PPP2R3A: variants seen among roughly 807,000 people sequenced by gnomAD.
PPP2R3A encodes serine/threonine-protein phosphatase 2A regulatory subunit B'' subunit alpha.
Under a neutral mutation model 106.9 loss-of-function variants are expected in PPP2R3A, and 80 were observed. That is an observed-to-expected ratio of 0.75 (90% confidence interval 0.62 to 0.90). The LOEUF is 0.90. Among genes scored for constraint, PPP2R3A ranks in the 40% least tolerant of loss-of-function variants. PPP2R3A has a pLI of 0.00. For missense variants in PPP2R3A, 1,386 were observed against 1,350.4 expected (o/e 1.03, Z -0.41); for synonymous variants, 483 against 468.3 (o/e 1.03, Z -0.41).
At chr3:135,979,134 T>G (rs1937501693) in intron 1 of PPP2R3A, among the ~76,000 whole-genome samples, 1 of 151,746 alleles carries the variant, frequency 6.6e-6, no homozygotes, top group African/African-American at 2.4e-5. Context: ...ATCCCAGCAC[T>G]TTGGGAGGCT....
intron 10 of PPP2R3A, among the ~76,000 whole-genome samples, chr3:136,097,858 T>C (rs753329652): frequency 6.6e-6 from 1 of 152,202 alleles, no homozygotes; most frequent in Non-Finnish European, 1.5e-5. Context: ...CAGATATTAT[T>C]ACATGTATTG....
chr3:136,089,196 T>C lies in PPP2R3A; in HGVS notation c.2837+1265T>C, dbSNP rs141890780. On this transcript the variant is annotated intron_variant, in intron 9 of 13. Coordinates refer to ENST00000264977, the MANE Select transcript of PPP2R3A (RefSeq NM_002718.5). The stretch of plus-strand genomic sequence containing the variant: ...GAAGGGTATTTCCTAGGGTTTTTTC[T>C]AGAATTGTTATAGTTTCAGGTCTGA... Among the ~76,000 whole-genome samples, 490 of 152,300 alleles carry C rather than the reference T, an allele frequency of 3.2e-3. 2 individuals carry two copies. The highest frequency in any genetic ancestry group is 5.6e-3 in the Admixed American group (85 of 15,294).
chr3:136,088,020 G>A, intron 9 of PPP2R3A, 89 bp downstream of exon 9: 1 of 1,162,538 alleles, frequency 8.6e-7, no homozygotes, highest in Non-Finnish European at 1.3e-6. Flanking sequence ...GAATAATTTG[G>A]CAGTGCTATT....
intron 2 of PPP2R3A, chr3:136,023,103 C>A: frequency 6.2e-7 from 1 of 1,613,304 alleles, no homozygotes; most frequent in Non-Finnish European, 8.5e-7. Flanking sequence ...ACGAAGGGAC[C>A]CGGATTTAAG....
intron 5 of PPP2R3A, among the ~76,000 whole-genome samples, chr3:136,054,051 G>GA (rs1407597640): frequency 1.3e-5 from 2 of 152,000 alleles, no homozygotes; most frequent in Non-Finnish European, 2.9e-5. Flanking sequence ...TTTTGGGGGG[G>GA]AAATAAACGT....
chr3:136,113,074 A>T (rs1233455059), intron 13 of PPP2R3A, among the ~76,000 whole-genome samples: 1 of 152,110 alleles, frequency 6.6e-6, no homozygotes, highest in Non-Finnish European at 1.5e-5. Context: ...TGGAGGTTGC[A>T]GTGAGCTGGG....
chr3:136,051,291 A>G (rs1935676748), intron 5 of PPP2R3A, among the ~76,000 whole-genome samples: 1 of 152,074 alleles, frequency 6.6e-6, no homozygotes. Context: ...GAAATAGTTG[A>G]GGTTTTTTTA....
chr3:136,055,836 T>C, intron 5 of PPP2R3A: 2 of 516,532 alleles, frequency 3.9e-6, no homozygotes, highest in South Asian at 3.1e-5. Flanking sequence ...CTATGCAGAA[T>C]TGCAAACAGT....
chr3:136,100,412 C>G (rs909080017), intron 10 of PPP2R3A, among the ~76,000 whole-genome samples: 1 of 151,806 alleles, frequency 6.6e-6, no homozygotes, highest in Admixed American at 6.6e-5. Context: ...CCGTGGCTCA[C>G]GCCTGTAATC....
intron 5 of PPP2R3A, among the ~76,000 whole-genome samples, chr3:136,067,581 A>T (rs1287404963): frequency 6.6e-6 from 1 of 152,216 alleles, no homozygotes; most frequent in East Asian, 1.9e-4. Flanking sequence ...AGAGGAGAGA[A>T]CTGCATGGAG....
chr3:136,000,723 G>A (rs1319656412), intron 1 of PPP2R3A, among the ~76,000 whole-genome samples: 1 of 152,168 alleles, frequency 6.6e-6, no homozygotes, highest in Non-Finnish European at 1.5e-5. Context: ...GACTTGCTGT[G>A]ATCCATGAGG....
At chr3:135,989,894 T>A (rs993936139) in intron 1 of PPP2R3A, among the ~76,000 whole-genome samples, 1 of 152,118 alleles carries the variant, frequency 6.6e-6, no homozygotes, top group Non-Finnish European at 1.5e-5. Flanking sequence ...TGCACAAAAA[T>A]CTCCATGACT....
intron 1 of PPP2R3A, among the ~76,000 whole-genome samples, chr3:135,971,385 C>T (rs1937242447): frequency 6.6e-6 from 1 of 152,168 alleles, no homozygotes; most frequent in Non-Finnish European, 1.5e-5. Flanking sequence ...TGGTCACAAC[C>T]AGTTTGTCTT....
intron 3 of PPP2R3A, among the ~76,000 whole-genome samples, chr3:136,035,406 C>T (rs1935051921): frequency 6.6e-6 from 1 of 152,046 alleles, no homozygotes; most frequent in Non-Finnish European, 1.5e-5. Context: ...TTTATCAGTT[C>T]TTGTAGTGGT....
chr3:136,113,027 G>T (rs773029870), intron 13 of PPP2R3A, among the ~76,000 whole-genome samples: 3 of 152,066 alleles, frequency 2.0e-5, no homozygotes, highest in Non-Finnish European at 2.9e-5. Flanking sequence ...CAGCTACTCG[G>T]GAGGCTGAGG....
At chr3:136,102,598 C>T (rs1937407020) in intron 11 of PPP2R3A, among the ~76,000 whole-genome samples, 2 of 152,060 alleles carry the variant, frequency 1.3e-5, no homozygotes, top group Admixed American at 6.6e-5. Flanking sequence ...CCACCCACCT[C>T]GGTCTCCCAA....
intron 1 of PPP2R3A, among the ~76,000 whole-genome samples, chr3:135,966,912 C>T (rs1241701734): frequency 6.6e-6 from 1 of 151,964 alleles, no homozygotes; most frequent in East Asian, 1.9e-4. Context: ...CAGAACCCAG[C>T]GCCTAGACCC....
At chr3:136,113,720 G>A (rs1370194348) in intron 13 of PPP2R3A, among the ~76,000 whole-genome samples, 1 of 151,776 alleles carries the variant, frequency 6.6e-6, no homozygotes, top group East Asian at 1.9e-4. Flanking sequence ...ACTTGAACCT[G>A]GGAAGTGAAG....
chr3:136,138,589 T>G (rs946197669), intron 13 of PPP2R3A, among the ~76,000 whole-genome samples: 2 of 152,018 alleles, frequency 1.3e-5, no homozygotes, highest in Non-Finnish European at 2.9e-5. Flanking sequence ...GCTAATCCAT[T>G]TTATATAAGT....
Sources: allele counts gnomAD v4.1 joint callset (sites outside exome capture counted in the v4.1 genomes callset), GRCh38; gene constraint gnomAD v4.1.1; transcripts MANE v1.5; gene names NCBI Gene and HGNC (gene_info 2026-07-23, HGNC 2026-07-21).